The following FRMD4A variants were observed in gnomAD, a reference collection of about 807,000 sequenced individuals.
FRMD4A encodes the protein FERM domain-containing protein 4A.
Under a neutral mutation model 129.1 loss-of-function variants are expected in FRMD4A, and 29 were observed. That is an observed-to-expected ratio of 0.22 (90% confidence interval 0.17 to 0.31). FRMD4A has a LOEUF of 0.31. FRMD4A is among the 10% of genes least tolerant of loss of function. The pLI is 1.00. For synonymous variants in FRMD4A, 634 were observed against 571.6 expected (o/e 1.11, Z -1.56); for missense variants, 1,272 against 1,375.8 (o/e 0.92, Z 1.19).
intron 2 of FRMD4A, among the ~76,000 whole-genome samples, chr10:14,225,642 G>T (rs959966557): frequency 6.6e-6 from 1 of 152,170 alleles, no homozygotes; most frequent in African/African-American, 2.4e-5. Flanking sequence ...AACACATCAG[G>T]CTATTGCAGC....
At position 13,684,870 on chromosome 10, in the gene FRMD4A, A is replaced by AG. The variant is rs1226558968; in HGVS notation, c.1117+9027dup. ...GACAATCCGTCTCTTTAGACCTTAG[A>AG]GAAAAAAAAAAAAAAATGAAGAAGG... On this transcript the variant is annotated intron_variant, in intron 15 of 24. Coordinates refer to ENST00000357447, the MANE Select transcript of FRMD4A (RefSeq NM_018027.5). 126 of 967,888 alleles carry AG rather than the reference A, an allele frequency of 1.3e-4. No homozygotes were observed. In the African/African-American group the frequency reaches 2.5e-3, roughly 19 times the overall value. The allele number at this position is 967,888 out of a possible 1,614,324, so 60.0% of individuals were successfully genotyped here. A position where few individuals can be genotyped will look rare whatever the true frequency, so the allele number is the denominator to read the frequency against.
At chr10:14,137,845 C>T (rs34238571) in intron 2 of FRMD4A, among the ~76,000 whole-genome samples, 120 of 152,208 alleles carry the variant, frequency 7.9e-4, no homozygotes, top group Non-Finnish European at 1.4e-3. Context: ...CTCCTCTTTC[C>T]CCTTCTCTCT....
chr10:14,120,350 G>C (rs1838437048), intron 2 of FRMD4A, among the ~76,000 whole-genome samples: 1 of 151,676 alleles, frequency 6.6e-6, no homozygotes, highest in African/African-American at 2.4e-5. Context: ...AGCCTTCCTT[G>C]AGTTCCCTGC....
chr10:13,683,419 TA>T (rs1230005294), intron 15 of FRMD4A, among the ~76,000 whole-genome samples: 3,980 of 135,080 alleles, frequency 0.029, 142 homozygotes, highest in African/African-American at 0.082. Context: ...ACCCTATCTG[TA>T]AAAAAAAAAA....
intron 3 of FRMD4A, among the ~76,000 whole-genome samples, chr10:13,829,440 T>C (rs2093756251): frequency 6.6e-6 from 1 of 151,996 alleles, no homozygotes; most frequent in Non-Finnish European, 1.5e-5. Context: ...CTGTGAGCCA[T>C]GATTGTGCCA....
intron 3 of FRMD4A, among the ~76,000 whole-genome samples, chr10:13,856,931 C>T (rs1366976651): frequency 1.3e-5 from 2 of 152,164 alleles, no homozygotes. Context: ...ATACACCAGA[C>T]CACTCGCCTA....
chr10:13,674,333 T>C (rs754904381), intron 16 of FRMD4A, among the ~76,000 whole-genome samples: 12 of 152,116 alleles, frequency 7.9e-5, no homozygotes, highest in Non-Finnish European at 5.9e-5. Context: ...CACTATCACG[T>C]GAGGAGATGC....
chr10:13,947,877 A>G (rs1471216353), intron 2 of FRMD4A, among the ~76,000 whole-genome samples: 1 of 151,958 alleles, frequency 6.6e-6, no homozygotes, highest in Non-Finnish European at 1.5e-5. Flanking sequence ...GTGCATGTCC[A>G]CTCAAAAAAA....
intron 2 of FRMD4A, among the ~76,000 whole-genome samples, chr10:14,237,418 C>T (rs1049660910): frequency 6.6e-6 from 1 of 152,114 alleles, no homozygotes; most frequent in African/African-American, 2.4e-5. Context: ...GTAACCTCTG[C>T]CTCCCAGGTT....
At chr10:14,046,507 C>T (rs1833996970) in intron 2 of FRMD4A, among the ~76,000 whole-genome samples, 1 of 152,140 alleles carries the variant, frequency 6.6e-6, no homozygotes. Context: ...CAACTGAGCC[C>T]AAAATGCCTA....
chr10:13,977,820 C>CATGTG (rs2095547293), intron 2 of FRMD4A, among the ~76,000 whole-genome samples: 1 of 152,172 alleles, frequency 6.6e-6, no homozygotes, highest in African/African-American at 2.4e-5. Context: ...GTAGCATGTG[C>CATGTG]CAGTACATTT....
At chr10:13,907,577 A>C (rs945380002) in intron 2 of FRMD4A, among the ~76,000 whole-genome samples, 1 of 152,190 alleles carries the variant, frequency 6.6e-6, no homozygotes, top group Non-Finnish European at 1.5e-5. Context: ...TTGAGGGTTC[A>C]AGGCTTGTGT....
chr10:14,101,234 A>C (rs1837283395), intron 2 of FRMD4A, among the ~76,000 whole-genome samples: 2 of 152,230 alleles, frequency 1.3e-5, no homozygotes, highest in African/African-American at 4.8e-5. Flanking sequence ...TGTCAATATT[A>C]TAGCACATGA....
chr10:14,181,847 T>C (rs1841925458), intron 2 of FRMD4A, among the ~76,000 whole-genome samples: 1 of 152,128 alleles, frequency 6.6e-6, no homozygotes, highest in Non-Finnish European at 1.5e-5. Flanking sequence ...TGCACCAACA[T>C]GCCCAGCTAA....
At chr10:14,110,722 C>G (rs1837855783) in intron 2 of FRMD4A, among the ~76,000 whole-genome samples, 1 of 152,160 alleles carries the variant, frequency 6.6e-6, no homozygotes, top group African/African-American at 2.4e-5. Flanking sequence ...TCTTCTGCCA[C>G]CATTGAAATG....
chr10:13,842,034 C>G lies in FRMD4A; in HGVS notation c.111+16813G>C, dbSNP rs560691725. Among the ~76,000 whole-genome samples, 5 of 152,336 alleles carry G rather than the reference C, an allele frequency of 3.3e-5. No individual in the cohort carries two copies. The South Asian group carries it at 1.0e-3, about 32-fold the overall frequency. ...TTGCCCACCCACTCAGCACGTAACA[C>G]TGCAATACCTTGTTCCTCTCACAAC... On this transcript the variant is annotated intron_variant, in intron 3 of 24. Coordinates refer to ENST00000357447, the MANE Select transcript of FRMD4A (RefSeq NM_018027.5).
intron 8 of FRMD4A, among the ~76,000 whole-genome samples, chr10:13,750,657 G>A (rs1445430431): frequency 6.6e-6 from 1 of 152,224 alleles, no homozygotes; most frequent in African/African-American, 2.4e-5. Context: ...ATCCATCAGA[G>A]TAAGAGGAAT....
chr10:13,727,392 C>A (rs932838858), intron 12 of FRMD4A, among the ~76,000 whole-genome samples: 2 of 152,122 alleles, frequency 1.3e-5, no homozygotes, highest in Non-Finnish European at 2.9e-5. Context: ...AGGTCACCAC[C>A]CTCTTGCCAA....
chr10:14,021,044 GGT>G (rs1832722650), intron 2 of FRMD4A, among the ~76,000 whole-genome samples: 1 of 151,992 alleles, frequency 6.6e-6, no homozygotes, highest in South Asian at 2.1e-4. Context: ...CTGTAAGCCG[GGT>G]AGCATTAGCT....
Sources: allele counts gnomAD v4.1 joint callset (sites outside exome capture counted in the v4.1 genomes callset), GRCh38; gene constraint gnomAD v4.1.1; transcripts MANE v1.5; gene names NCBI Gene and HGNC (gene_info 2026-07-23, HGNC 2026-07-21).